Variants in XKR6 observed in about 807,000 individuals in gnomAD.
XKR6 encodes XK-related protein 6.
In XKR6, 22 loss-of-function variants were observed where a neutral mutation model predicts 56.7. The ratio of observed to expected loss-of-function variants is 0.39; its 90% confidence interval spans 0.28 to 0.55. The LOEUF (loss-of-function observed/expected upper bound fraction) is 0.55, where lower values mean the gene tolerates loss of function less well. Ranked by LOEUF, XKR6 falls within the 20% of genes least tolerant of loss-of-function variation. XKR6 has a pLI of 0.66. For synonymous variants in XKR6, 524 were observed against 387.8 expected (o/e 1.35, Z -4.13); for missense variants, 852 against 889.0 (o/e 0.96, Z 0.53).
At chr8:11,143,116 T>C (rs189089307) in intron 1 of XKR6, among the ~76,000 whole-genome samples, 310 of 152,268 alleles carry the variant, frequency 2.0e-3, no homozygotes, top group African/African-American at 7.0e-3. Flanking sequence ...CAAAGTCAAA[T>C]ACCACCATTT....
intron 1 of XKR6, among the ~76,000 whole-genome samples, chr8:11,095,929 T>A (rs1347680422): frequency 6.6e-6 from 1 of 152,222 alleles, no homozygotes; most frequent in African/African-American, 2.4e-5. Context: ...CTAACTTTAA[T>A]TGTCATTTTA....
chr8:11,137,187 T>C (rs149313390), intron 1 of XKR6: 1 of 172,868 alleles, frequency 5.8e-6, no homozygotes, highest in African/African-American at 2.4e-5. Flanking sequence ...TCCATCATCA[T>C]GCTAAAACAT....
Position 10,994,751 on chromosome 8 carries a change from C to T in XKR6, c.765-69921G>A, listed in dbSNP as rs1436300206. On this transcript the variant is annotated intron_variant, in intron 1 of 2. Transcript: ENST00000416569. ...CATTTTATCGATGAGGAAACTAACT[C>T]GGGACTTTAGCAATTTGTCTGAGTT... Among the ~76,000 whole-genome samples the T allele has an allele frequency of 2.0e-5, 3 of 152,180 alleles. No homozygotes were observed. The South Asian group carries it at 6.2e-4, about 32-fold the overall frequency.
chr8:10,985,643 C>T (rs117744767), intron 1 of XKR6, among the ~76,000 whole-genome samples: 1,625 of 147,410 alleles, frequency 0.011, 9 homozygotes, highest in Admixed American at 0.017. Context: ...CAAAAAACAA[C>T]AAAAACAAAC....
intron 1 of XKR6, among the ~76,000 whole-genome samples, chr8:11,185,352 GAAATAT>G (rs1803217050): frequency 6.6e-6 from 1 of 152,196 alleles, no homozygotes; most frequent in Non-Finnish European, 1.5e-5. Flanking sequence ...TTTGTGAACA[GAAATAT>G]GCCACAGAAA....
At chr8:11,015,007 A>C (rs1798586025) in intron 1 of XKR6, among the ~76,000 whole-genome samples, 1 of 152,196 alleles carries the variant, frequency 6.6e-6, no homozygotes, top group African/African-American at 2.4e-5. Context: ...TGCTGAGCCG[A>C]AGAAGCAGAC....
At chr8:10,998,337 C>G (rs1181232275) in intron 1 of XKR6, among the ~76,000 whole-genome samples, 1 of 152,126 alleles carries the variant, frequency 6.6e-6, no homozygotes, top group Non-Finnish European at 1.5e-5. Context: ...TGTTTTAACA[C>G]CAGCTGTCAC....
chr8:11,078,450 C>G (rs1800330706), intron 1 of XKR6, among the ~76,000 whole-genome samples: 1 of 152,168 alleles, frequency 6.6e-6, no homozygotes, highest in African/African-American at 2.4e-5. Context: ...CCTGTGTGTT[C>G]CCCACTATTC....
chr8:11,104,318 CA>C (rs1798594391), intron 1 of XKR6, among the ~76,000 whole-genome samples: 1 of 152,254 alleles, frequency 6.6e-6, no homozygotes, highest in African/African-American at 2.4e-5. Context: ...GGAAGAGTAT[CA>C]ACCCCAATTT....
chr8:10,924,904 C>T, intron 1 of XKR6, 74 bp from the exon 2 acceptor site: 4 of 1,491,240 alleles, frequency 2.7e-6, no homozygotes, highest in Non-Finnish European at 3.6e-6. Flanking sequence ...TGCCATCCCC[C>T]TAAAACCAAG....
chr8:11,058,738 C>A (rs957548885), intron 1 of XKR6, among the ~76,000 whole-genome samples: 4 of 152,050 alleles, frequency 2.6e-5, no homozygotes, highest in Non-Finnish European at 5.9e-5. Context: ...CTAATGCATG[C>A]GGGGCTTGAA....
At chr8:11,025,860 C>G (rs1440532680) in intron 1 of XKR6, among the ~76,000 whole-genome samples, 1 of 152,090 alleles carries the variant, frequency 6.6e-6, no homozygotes, top group Non-Finnish European at 1.5e-5. Context: ...ATGGCAGCCA[C>G]CAGGCACACG....
At position 11,024,210 on chromosome 8, in the gene XKR6, T is replaced by G. The variant is rs1306731906; in HGVS notation, c.765-99380A>C. ...GACAACATACCTGTTAGGAGGTGTG[T>G]GTGTGTGTGTGTGTGTGTGTGTGTG... On this transcript the variant is annotated intron_variant, in intron 1 of 2. Transcript: ENST00000416569. 6.2e-3 allele frequency among the ~76,000 whole-genome samples: 409 copies of G among 66,236 alleles called. 2 individuals carry two copies. Among genetic ancestry groups the G allele is most frequent in the African/African-American group, 0.028 (324 of 11,530 alleles). 43.5% of individuals were successfully genotyped at this position (66,236 alleles called of 152,430 possible).
chr8:10,983,588 A>G (rs972447808), intron 1 of XKR6, among the ~76,000 whole-genome samples: 1 of 152,226 alleles, frequency 6.6e-6, no homozygotes, highest in African/African-American at 2.4e-5. Flanking sequence ...CTAATCCTTA[A>G]GAACAGACAA....
At chr8:11,128,861 A>C in intron 1 of XKR6, 1 of 456,878 alleles carries the variant, frequency 2.2e-6, no homozygotes, top group Non-Finnish European at 4.4e-6. Flanking sequence ...CACCATCTTC[A>C]GCCAAGCCAC....
chr8:11,004,348 T>C (rs938111167), intron 1 of XKR6, among the ~76,000 whole-genome samples: 8 of 152,168 alleles, frequency 5.3e-5, no homozygotes, highest in African/African-American at 1.9e-4. Context: ...GGCGCACACC[T>C]GCAATACCAG....
chr8:11,137,466 A>C (rs1229606906), intron 1 of XKR6: 1 of 430,230 alleles, frequency 2.3e-6, no homozygotes, highest in South Asian at 1.7e-5. Context: ...TTCAGCCGAC[A>C]CGGAAGTCTT....
chr8:11,136,568 T>C (rs1399754356), intron 1 of XKR6, among the ~76,000 whole-genome samples: 1 of 150,904 alleles, frequency 6.6e-6, no homozygotes, highest in South Asian at 2.1e-4. Context: ...TACTTACAGG[T>C]AGGGCCTTTA....
chr8:11,189,790 G>C (rs1453340986), intron 1 of XKR6, among the ~76,000 whole-genome samples: 1 of 152,150 alleles, frequency 6.6e-6, no homozygotes, highest in Non-Finnish European at 1.5e-5. Context: ...AGATCTCTTG[G>C]ATTACAGTCT....
Sources: allele counts gnomAD v4.1 joint callset (sites outside exome capture counted in the v4.1 genomes callset), GRCh38; gene constraint gnomAD v4.1.1; transcripts MANE v1.5; gene names NCBI Gene and HGNC (gene_info 2026-07-23, HGNC 2026-07-21).